Variants in CNTNAP3 observed in about 807,000 individuals in gnomAD.
CNTNAP3 encodes contactin-associated protein-like 3.
Under a neutral mutation model 92.1 loss-of-function variants are expected in CNTNAP3, and 36 were observed. The observed-to-expected ratio is 0.39, with a 90% CI of 0.30 to 0.52. The LOEUF is 0.52. CNTNAP3 is among the 20% of genes least tolerant of loss of function. CNTNAP3 has a pLI of 0.76. For synonymous variants in CNTNAP3, 232 were observed against 422.3 expected, an observed-to-expected ratio of 0.55 and a Z score of 5.53; for missense variants, 534 against 1,069.6, an observed-to-expected ratio of 0.50 and a Z score of 6.98.
In CNTNAP3 at chr9:39,100,056, C is replaced by T; in HGVS notation, c.2850G>A (p.Val950=). The T allele has an allele frequency of 6.3e-7, 1 of 1,580,126 alleles. No homozygotes were observed. Among genetic ancestry groups the T allele is most frequent in the Non-Finnish European group, 8.6e-7 (1 of 1,161,838 alleles). Residue 950 remains valine (V), a synonymous_variant, in exon 18 of 24, where the codon GTG becomes GTA. Coordinates refer to ENST00000297668, the MANE Select transcript of CNTNAP3 (RefSeq NM_033655.5). ...CACACCCTGGCTCCACTCCTGGCGT[C>T]ACTGTGGCTCTTTCTTCCAGATCCA... ...VALDLEERAT[V]TPGVEPGCAG... is the part of the protein sequence containing the mutation.
In CNTNAP3 at chr9:39,202,355, A is replaced by G. The variant is rs1243291506; in HGVS notation, c.391-9080T>C. Among the ~76,000 whole-genome samples the G allele has an allele frequency of 7.2e-3, 284 of 39,308 alleles. 72 individuals carry two copies. Among genetic ancestry groups the G allele is most frequent in the African/African-American group, 0.012 (269 of 22,242 alleles). The allele number at this position is 39,308 out of a possible 152,430, so 25.8% of individuals were successfully genotyped here. A position where few individuals can be genotyped will look rare whatever the true frequency, so the allele number is the denominator to read the frequency against. ...GCCCAAAATCTCCTTAAGCTGATAA[A>G]CAACTTCAGCAAAGTCTCAGGATAC... is the stretch of plus-strand genomic sequence containing the variant. On this transcript the variant is annotated intron_variant, in intron 3 of 23. Transcript: ENST00000297668.
intron 13 of CNTNAP3, among the ~76,000 whole-genome samples, chr9:39,124,950 C>T (rs1286217694): frequency 2.0e-5 from 3 of 152,080 alleles, no homozygotes; most frequent in Middle Eastern, 3.4e-3. Flanking sequence ...GACAGTGTTG[C>T]GATTCCTCAT....
intron 18 of CNTNAP3, among the ~76,000 whole-genome samples, chr9:39,096,999 G>A (rs994495078): frequency 8.9e-5 from 8 of 90,184 alleles, no homozygotes; most frequent in Non-Finnish European, 1.2e-4. Context: ...TTTCAATTAC[G>A]TATATATTGG....
chr9:39,116,566 G>C (rs1363719750), intron 14 of CNTNAP3, among the ~76,000 whole-genome samples: 2 of 152,138 alleles, frequency 1.3e-5, no homozygotes, highest in African/African-American at 4.8e-5. Flanking sequence ...ACTTACTGGT[G>C]GTCAGATTTG....
Position 39,144,308 on chromosome 9 carries a change from G to A in CNTNAP3, c.1688C>T (p.Ser563Phe). Residue 563 changes from serine (S) to phenylalanine (F), a missense_variant, in exon 11 of 24, where the codon TCC becomes TTC. Ser to Phe is a radical substitution (Grantham distance 155). Coordinates refer to ENST00000297668, the MANE Select transcript of CNTNAP3 (RefSeq NM_033655.5). Reference protein sequence around the residue: ...PSYCEHGGECSQSWDTFSCDC... With the variant: ...PSYCEHGGECFQSWDTFSCDC... ...ACAGGAGAAGGTGTCCCACGACTGG[G>A]AACACTCGCCCCCATGCTCACAGTA... 6.4e-7 allele frequency: 1 copy of A among 1,573,912 alleles called. No individual in the cohort carries two copies. Among genetic ancestry groups the A allele is most frequent in the South Asian group, 1.2e-5 (1 of 85,756 alleles).
Position 39,073,155 on chromosome 9 carries a change from G to A in CNTNAP3, c.*735C>T, listed in dbSNP as rs1825666160. 6.4e-6 allele frequency: 1 copy of A among 155,144 alleles called. No homozygotes were observed. 9.6% of individuals were successfully genotyped at this position (155,144 alleles called of 1,614,324 possible). Reference sequence around the variant, plus strand: ...TAAAATTCAATACTAAAATTTCATAGCTAACATTCAATATTAATTTCAACA... The same window carrying A: ...TAAAATTCAATACTAAAATTTCATAACTAACATTCAATATTAATTTCAACA... On this transcript the variant is annotated 3_prime_UTR_variant, in exon 24 of 24. Coordinates refer to ENST00000297668, the MANE Select transcript of CNTNAP3 (RefSeq NM_033655.5).
In CNTNAP3 at chr9:39,071,263, G is replaced by A. The variant is rs747063478; in HGVS notation, c.*2627C>T. Reference sequence around the variant, plus strand: ...AGAGACACGGGGTAGAATATGTCACGTATCAGTAGTAACTACTATCAAAGT... The same window carrying A: ...AGAGACACGGGGTAGAATATGTCACATATCAGTAGTAACTACTATCAAAGT... On this transcript the variant is annotated 3_prime_UTR_variant, in exon 24 of 24. Coordinates refer to ENST00000297668, the MANE Select transcript of CNTNAP3 (RefSeq NM_033655.5). 6.6e-5 allele frequency among the ~76,000 whole-genome samples: 10 copies of A among 150,518 alleles called. No individual in the cohort carries two copies. Among genetic ancestry groups the A allele is most frequent in the South Asian group, 6.4e-4 (3 of 4,696 alleles).
intron 15 of CNTNAP3, among the ~76,000 whole-genome samples, chr9:39,105,657 A>G (rs1334047702): frequency 2.0e-5 from 3 of 152,096 alleles, no homozygotes; most frequent in African/African-American, 7.2e-5. Flanking sequence ...TTGTCATAAC[A>G]AAATGATCCA....
At chr9:39,159,633 T>C (rs116469224) in intron 9 of CNTNAP3, 3 of 118,220 alleles carry the variant, frequency 2.5e-5, no homozygotes, top group Admixed American at 1.6e-4. Context: ...CGCCTGGAGA[T>C]AGATAGATAG....
At chr9:39,114,427 G>A (rs1408157587) in intron 14 of CNTNAP3, among the ~76,000 whole-genome samples, 1 of 152,098 alleles carries the variant, frequency 6.6e-6, no homozygotes, top group African/African-American at 2.4e-5. Flanking sequence ...ACACACAAGT[G>A]TAGTGAGATC....
chr9:39,161,574 G>A (rs1252620409), intron 9 of CNTNAP3, among the ~76,000 whole-genome samples: 1 of 104,526 alleles, frequency 9.6e-6, no homozygotes, highest in African/African-American at 3.8e-5. Context: ...CCAACACTTT[G>A]GGAGGGTGAG....
intron 10 of CNTNAP3, among the ~76,000 whole-genome samples, chr9:39,149,079 C>T (rs1020919613): frequency 6.6e-6 from 1 of 152,028 alleles, no homozygotes; most frequent in African/African-American, 2.4e-5. Flanking sequence ...CTTCATCCAT[C>T]TTTATGATTC....
intron 18 of CNTNAP3, among the ~76,000 whole-genome samples, chr9:39,091,486 A>G (rs1210424247): frequency 2.6e-5 from 4 of 152,112 alleles, no homozygotes; most frequent in Non-Finnish European, 5.9e-5. Context: ...TCTAAGATAT[A>G]GTATATTATA....
rs776121037 is a variant in CNTNAP3, at chr9:39,133,128, G to A, written c.1884C>T (p.Ala628=). The change falls in exon 13 of 24, where the codon GCC becomes GCT. Residue 628 remains alanine (A), a synonymous_variant. Transcript: ENST00000297668. ...CACCGTGCTGCACCACCGTCCACGC[G>A]GCGTCTGCTGAGCAGAAACGGGCAA... is the stretch of plus-strand genomic sequence containing the variant. ...FLVYCNMTAD[A]AWTVVQHGGP... 1.3e-6 allele frequency: 2 copies of A among 1,573,358 alleles called. No individual in the cohort carries two copies. The highest frequency in any genetic ancestry group is 1.7e-6 in the Non-Finnish European group (2 of 1,165,044).
chr9:39,217,358 GTATA>G (rs58203008), intron 3 of CNTNAP3, among the ~76,000 whole-genome samples: 280 of 4,238 alleles, frequency 0.066, 24 homozygotes, highest in Middle Eastern at 0.33. Context: ...ATTTACATGA[GTATA>G]TATATATATA....
Position 39,109,159 on chromosome 9 carries a change from C to T in CNTNAP3, c.2365+1G>A, listed in dbSNP as rs760661279. ...TAAAGCTTTTTCTTGACACTACTTA[C>T]GATCTCCGCGGCAGAGCAGTGGCCC... On this transcript the variant is annotated splice_donor_variant, in intron 15 of 23. Coordinates refer to ENST00000297668, the MANE Select transcript of CNTNAP3 (RefSeq NM_033655.5). LOFTEE classifies it high-confidence loss of function. 12 of 1,609,490 alleles carry T rather than the reference C, an allele frequency of 7.5e-6. No individual in the cohort carries two copies. The highest frequency in any genetic ancestry group is 2.7e-5 in the African/African-American group (2 of 74,602).
intron 15 of CNTNAP3, among the ~76,000 whole-genome samples, chr9:39,105,549 G>C (rs1826584399): frequency 6.6e-6 from 1 of 151,994 alleles, no homozygotes; most frequent in Admixed American, 6.6e-5. Flanking sequence ...CTATTCAATG[G>C]TTTATACTCT....
chr9:39,175,388 C>T (rs1822320948), intron 7 of CNTNAP3, among the ~76,000 whole-genome samples: 1 of 51,976 alleles, frequency 1.9e-5, no homozygotes, highest in East Asian at 4.6e-4. Context: ...GTCCCAGGTA[C>T]TCGGGAGGCT....
Position 39,071,117 on chromosome 9 carries a change from C to G in CNTNAP3, c.*2773G>C, listed in dbSNP as rs1177907820. ...AACTGAGGGAGCAGGTTAAAAAAAT[C>G]TTACATGTTAATACATGACTTATCC... On this transcript the variant is annotated 3_prime_UTR_variant, in exon 24 of 24. Coordinates refer to ENST00000297668, the MANE Select transcript of CNTNAP3 (RefSeq NM_033655.5). 6.6e-6 allele frequency among the ~76,000 whole-genome samples: 1 copy of G among 152,122 alleles called. No homozygotes were observed. The highest frequency in any genetic ancestry group is 1.5e-5 in the Non-Finnish European group (1 of 67,996).
Sources: gnomAD v4.1 joint callset for allele counts (sites outside exome capture counted in the v4.1 genomes callset) on GRCh38, gnomAD v4.1.1 for gene constraint, MANE v1.5 for transcripts, NCBI Gene and HGNC (gene_info 2026-07-23, HGNC 2026-07-21) for gene names.